LRRC49: variants seen among roughly 807,000 people sequenced by gnomAD.
LRRC49 encodes the protein leucine-rich repeat-containing protein 49.
A neutral mutation model predicts 83.3 loss-of-function variants in LRRC49; 50 were observed. The observed-to-expected ratio is 0.60, with a 90% confidence interval of 0.48 to 0.76. LRRC49 has a LOEUF of 0.76. Among genes scored for constraint, LRRC49 ranks in the 30% least tolerant of loss-of-function variants. The pLI, the probability that LRRC49 is intolerant of heterozygous loss-of-function variation, is 0.00. For missense variants in LRRC49, 704 were observed against 809.1 expected (o/e 0.87, Z 1.58); for synonymous variants, 286 against 283.3 (o/e 1.01, Z -0.10).
intron 12 of LRRC49, among the ~76,000 whole-genome samples, chr15:71,008,980 A>G (rs2038557412): frequency 6.6e-6 from 1 of 151,958 alleles, no homozygotes; most frequent in Non-Finnish European, 1.5e-5. Flanking sequence ...TAATTTTTAC[A>G]GTTGTCCCCT....
chr15:70,868,112 T>A (rs1299441076), intron 1 of LRRC49, among the ~76,000 whole-genome samples: 1 of 152,132 alleles, frequency 6.6e-6, no homozygotes, highest in Non-Finnish European at 1.5e-5. Flanking sequence ...CATTTTGCAA[T>A]CTCCAGCCAC....
intron 2 of LRRC49, 46 bp from the exon 3 acceptor site, chr15:70,895,803 G>A: frequency 8.3e-7 from 1 of 1,201,380 alleles, no homozygotes; most frequent in Non-Finnish European, 1.2e-6. Context: ...ACTGCTTGGT[G>A]TTAAATTTGT....
rs563823213 is a variant in LRRC49 at position 71,021,058 on chromosome 15, A to C, written c.1703+8145A>C. Among the ~76,000 whole-genome samples the C allele has an allele frequency of 5.3e-5, 8 of 150,286 alleles. No individual in the cohort carries two copies. The South Asian group carries it at 1.3e-3, about 24-fold the overall frequency. On this transcript the variant is annotated intron_variant, in intron 14 of 15. Coordinates refer to ENST00000260382, the MANE Select transcript of LRRC49 (RefSeq NM_017691.5). Reference sequence around the variant, plus strand: ...AGCTGATGAGCTAGAAAAAAATCACAAAAAAAAAATCTCATGTTTTAAGAA... The same window carrying C: ...AGCTGATGAGCTAGAAAAAAATCACCAAAAAAAAATCTCATGTTTTAAGAA...
intron 11 of LRRC49, among the ~76,000 whole-genome samples, chr15:70,996,526 G>C (rs150835711): frequency 2.6e-3 from 390 of 151,776 alleles, no homozygotes; most frequent in Non-Finnish European, 3.9e-3. Context: ...TATCTTACTG[G>C]CTCCTTCTCT....
At chr15:70,911,467 C>T (rs1329365600) in intron 5 of LRRC49, 65 bp from the exon 6 acceptor site, 3 of 861,942 alleles carry the variant, frequency 3.5e-6, no homozygotes, top group African/African-American at 1.7e-5. Context: ...TATGCCTTAG[C>T]ATACTTTGAT....
intron 8 of LRRC49, among the ~76,000 whole-genome samples, chr15:70,942,671 T>C (rs1005968568): frequency 6.6e-6 from 1 of 152,142 alleles, no homozygotes; most frequent in Admixed American, 6.5e-5. Context: ...GACACAGCCC[T>C]CAGGACGTCC....
At chr15:70,936,156 T>A (rs997819397) in intron 7 of LRRC49, among the ~76,000 whole-genome samples, 1 of 152,070 alleles carries the variant, frequency 6.6e-6, no homozygotes, top group Non-Finnish European at 1.5e-5. Flanking sequence ...TAGGGTAGAT[T>A]TCCTATTTTA....
intron 14 of LRRC49, among the ~76,000 whole-genome samples, chr15:71,017,220 A>G (rs1053215082): frequency 2.0e-5 from 3 of 152,240 alleles, no homozygotes; most frequent in African/African-American, 7.2e-5. Flanking sequence ...ATGCCAATTT[A>G]TCCTAATTAA....
intron 14 of LRRC49, among the ~76,000 whole-genome samples, chr15:71,022,508 T>C (rs2039026077): frequency 6.6e-6 from 1 of 152,098 alleles, no homozygotes; most frequent in Admixed American, 6.5e-5. Flanking sequence ...TGAGAAAAGA[T>C]AAACAACATA....
intron 8 of LRRC49, among the ~76,000 whole-genome samples, chr15:70,953,010 G>A (rs1243483635): frequency 6.6e-6 from 1 of 151,980 alleles, no homozygotes; most frequent in Non-Finnish European, 1.5e-5. Context: ...TTTACTTTGA[G>A]CCTATATATG....
upstream of LRRC49, among the ~76,000 whole-genome samples, chr15:70,889,098 A>G (rs2033484506): frequency 6.6e-6 from 1 of 152,204 alleles, no homozygotes; most frequent in Admixed American, 6.5e-5. Context: ...ATATATCCTC[A>G]GAAATGTGTG....
chr15:71,037,402 G>C (rs2039558327), intron 15 of LRRC49, 70 bp downstream of exon 15: 1 of 1,292,924 alleles, frequency 7.7e-7, no homozygotes. Flanking sequence ...TTTGGGGGTT[G>C]TACATTTTAC....
intron 4 of LRRC49, among the ~76,000 whole-genome samples, chr15:70,903,207 A>G (rs1198247359): frequency 2.0e-5 from 3 of 152,118 alleles, no homozygotes; most frequent in African/African-American, 7.2e-5. Context: ...AAAGATACAA[A>G]TTTTAAGGTA....
intron 14 of LRRC49, among the ~76,000 whole-genome samples, chr15:71,033,858 C>T (rs2141293479): frequency 6.6e-6 from 1 of 152,222 alleles, no homozygotes; most frequent in African/African-American, 2.4e-5. Context: ...AAACTGGACC[C>T]CTTCCTTACA....
At chr15:70,900,615 G>A (rs538848211) in intron 3 of LRRC49, 26 of 465,880 alleles carry the variant, frequency 5.6e-5, no homozygotes, top group African/African-American at 5.1e-4. Context: ...GTTATAGACA[G>A]TTAGAATTTA....
chr15:70,864,233 C>T (rs950743516), intron 1 of LRRC49, among the ~76,000 whole-genome samples: 1 of 152,074 alleles, frequency 6.6e-6, no homozygotes, highest in Non-Finnish European at 1.5e-5. Context: ...GAAAGAGCTC[C>T]CCCCAGAATG....
chr15:71,008,464 T>C lies in LRRC49; in HGVS notation c.1255T>C (p.Ser419Pro). 1.9e-6 allele frequency: 3 copies of C among 1,612,962 alleles called. No homozygotes were observed. The highest frequency in any genetic ancestry group is 2.5e-6 in the Non-Finnish European group (3 of 1,179,216). ...YLVEVDGDTL[S>P]LYGSGALESL... ...TGTTGAAGTGGACGGGGATACACTT[T>C]CCCTATATGGCTCAGGAGCACTGGA... Residue 419 changes from serine (S) to proline (P), a missense_variant, in exon 12 of 16, where the codon TCC becomes CCC. Transcript: ENST00000260382.
At chr15:70,859,846 G>T in intron 1 of LRRC49, 1 of 766,996 alleles carries the variant, frequency 1.3e-6, no homozygotes, top group East Asian at 2.5e-5. Context: ...AGGAGCTGAT[G>T]AATGTCAAGC....
At chr15:70,899,760 T>C (rs190120336) in intron 3 of LRRC49, among the ~76,000 whole-genome samples, 1 of 152,306 alleles carries the variant, frequency 6.6e-6, no homozygotes, top group Admixed American at 6.5e-5. Flanking sequence ...TAGGTTAGCT[T>C]TCCAGATTTG....
Sources: gnomAD v4.1 joint callset for allele counts (sites outside exome capture counted in the v4.1 genomes callset) on GRCh38, gnomAD v4.1.1 for gene constraint, MANE v1.5 for transcripts, NCBI Gene and HGNC (gene_info 2026-07-23, HGNC 2026-07-21) for gene names.